TCF12: variants seen among roughly 807,000 people sequenced by gnomAD.
The protein encoded by TCF12 is DNA-binding protein HTF4.
A neutral mutation model predicts 86.0 loss-of-function variants in TCF12; 45 were observed. The ratio of observed to expected loss-of-function variants is 0.52; its 90% confidence interval spans 0.41 to 0.67. TCF12 has a LOEUF of 0.67. TCF12 is among the 30% of genes least tolerant of loss of function. The pLI, the probability that TCF12 is intolerant of heterozygous loss-of-function variation, is 0.00. For missense variants in TCF12, 881 were observed against 859.9 expected (o/e 1.02, Z -0.31); for synonymous variants, 330 against 299.6 (o/e 1.10, Z -1.05).
chr15:57,140,091 A>T (rs2052847466), intron 5 of TCF12, among the ~76,000 whole-genome samples: 1 of 152,190 alleles, frequency 6.6e-6, no homozygotes, highest in Non-Finnish European at 1.5e-5. Flanking sequence ...TCTGAAAGAG[A>T]CATTTGTACA....
intron 3 of TCF12, among the ~76,000 whole-genome samples, chr15:57,010,904 G>A (rs1008884338): frequency 9.2e-5 from 14 of 152,162 alleles, no homozygotes; most frequent in Admixed American, 6.5e-4. Context: ...TTATGTAGTC[G>A]TATTGCTGTG....
chr15:57,147,156 A>G (rs1258278294), intron 5 of TCF12, among the ~76,000 whole-genome samples: 2 of 152,204 alleles, frequency 1.3e-5, no homozygotes, highest in African/African-American at 4.8e-5. Flanking sequence ...ATATAATCCA[A>G]AAAGTTGAGG....
intron 3 of TCF12, among the ~76,000 whole-genome samples, chr15:56,935,443 C>T (rs1033383743): frequency 2.6e-5 from 4 of 151,974 alleles, no homozygotes; most frequent in African/African-American, 9.7e-5. Context: ...GGGAGGGTCT[C>T]ATATGTGCCC....
At chr15:56,949,817 A>G (rs1260063046) in intron 3 of TCF12, among the ~76,000 whole-genome samples, 1 of 152,150 alleles carries the variant, frequency 6.6e-6, no homozygotes, top group Non-Finnish European at 1.5e-5. Flanking sequence ...TTAAAGTGTC[A>G]TGGGGTTATA....
In TCF12 at chr15:57,247,658, C is replaced by T. The variant is rs553332262; in HGVS notation, c.1115-3692C>T. On this transcript the variant is annotated intron_variant, in intron 13 of 20. Transcript: ENST00000333725. ...TTCTTCTGTTTCTTCTTTAATACCACCAACAAAAATTTTCCTCACTGTTAG... is the reference window on the plus strand; with the variant it reads ...TTCTTCTGTTTCTTCTTTAATACCATCAACAAAAATTTTCCTCACTGTTAG... The T allele has an allele frequency of 3.5e-5, 27 of 769,604 alleles. No individual in the cohort carries two copies. In the African/African-American group the frequency reaches 4.3e-4, roughly 12 times the overall value. The allele number at this position is 769,604 out of a possible 1,614,324, so 47.7% of individuals were successfully genotyped here.
At chr15:57,106,001 A>G (rs1232743118) in intron 5 of TCF12, among the ~76,000 whole-genome samples, 1 of 152,268 alleles carries the variant, frequency 6.6e-6, no homozygotes, top group Non-Finnish European at 1.5e-5. Flanking sequence ...CAAAGCAGCC[A>G]GAAATTAGAG....
chr15:57,017,294 A>G (rs2065207782), intron 3 of TCF12, among the ~76,000 whole-genome samples: 1 of 152,238 alleles, frequency 6.6e-6, no homozygotes, highest in South Asian at 2.1e-4. Context: ...TAGCAATGCC[A>G]TTTAAATGTA....
chr15:57,020,141 C>A (rs1225531871), intron 3 of TCF12, among the ~76,000 whole-genome samples: 1 of 152,186 alleles, frequency 6.6e-6, no homozygotes, highest in African/African-American at 2.4e-5. Context: ...GTACATATGA[C>A]AACCTCATGA....
intron 8 of TCF12, among the ~76,000 whole-genome samples, chr15:57,216,748 A>G (rs1262683673): frequency 6.6e-6 from 1 of 152,108 alleles, no homozygotes; most frequent in Admixed American, 6.6e-5. Flanking sequence ...ATTTTATTAT[A>G]CAAGATAATT....
At chr15:57,100,423 C>G (rs996967807) in intron 5 of TCF12, among the ~76,000 whole-genome samples, 1 of 130,848 alleles carries the variant, frequency 7.6e-6, no homozygotes, top group Non-Finnish European at 1.6e-5. Flanking sequence ...TTCACTTCCT[C>G]TTTTTTTTTT....
At position 57,232,860 on chromosome 15, in the gene TCF12, A is replaced by T. The variant is rs1219474318; in HGVS notation, c.970+4A>T. ...AATGGATCAGACAGCATTCTAGGTG[A>T]GCTTTTTGAGTTGGCAAAACTTCCT... On this transcript the variant is annotated splice_donor_region_variant and intron_variant, in intron 11 of 20. Transcript: ENST00000333725. The T allele has an allele frequency of 7.8e-6, 12 of 1,540,944 alleles. No homozygotes were observed. Among genetic ancestry groups the T allele is most frequent in the Non-Finnish European group, 1.0e-5 (12 of 1,144,678 alleles).
At chr15:57,074,340 A>C (rs1160047062) in intron 4 of TCF12, among the ~76,000 whole-genome samples, 1 of 145,290 alleles carries the variant, frequency 6.9e-6, no homozygotes, top group Non-Finnish European at 1.5e-5. Context: ...TCCCATGAGA[A>C]ATTTCATGCC....
intron 20 of TCF12, among the ~76,000 whole-genome samples, chr15:57,285,807 T>TA: frequency 6.6e-6 from 1 of 152,204 alleles, no homozygotes; most frequent in Non-Finnish European, 1.5e-5. Context: ...TGCACACCTG[T>TA]AGTCCCAGCT....
chr15:57,073,732 C>T (rs528036644), intron 4 of TCF12, among the ~76,000 whole-genome samples: 6 of 152,172 alleles, frequency 3.9e-5, no homozygotes, highest in Admixed American at 2.6e-4. Context: ...AGGACAGAGT[C>T]ACTAGAAGTT....
intron 3 of TCF12, among the ~76,000 whole-genome samples, chr15:56,956,932 A>C (rs535051837): frequency 6.6e-6 from 1 of 152,234 alleles, no homozygotes; most frequent in Non-Finnish European, 1.5e-5. Context: ...TCCATTCAAA[A>C]TTCATGTTGA....
rs893373975 is a variant in TCF12 at position 56,977,427 on chromosome 15, G to A, written c.148+56329G>A. Among the ~76,000 whole-genome samples the A allele has an allele frequency of 4.1e-4, 63 of 152,160 alleles. 1 individual carries two copies. The highest frequency in any genetic ancestry group is 4.1e-3 in the Admixed American group (62 of 15,270). On this transcript the variant is annotated intron_variant, in intron 3 of 20. Transcript: ENST00000333725. ...ATGTGCCTGTAATCCCAGCTACTCG[G>A]AAGGCTGAGACAGAGGTTGAGGTCT... is the stretch of plus-strand genomic sequence containing the variant.
intron 3 of TCF12, among the ~76,000 whole-genome samples, chr15:56,925,921 A>T (rs1368322360): frequency 6.6e-6 from 1 of 152,236 alleles, no homozygotes; most frequent in Non-Finnish European, 1.5e-5. Context: ...TGCCATAAGT[A>T]TCTCATTTTT....
rs368694424 is a variant in TCF12 at position 56,935,764 on chromosome 15, A to G, written c.148+14666A>G. Among the ~76,000 whole-genome samples the G allele has an allele frequency of 1.5e-4, 23 of 152,288 alleles. No individual in the cohort carries two copies. The East Asian group carries it at 1.9e-3, about 13-fold the overall frequency. ...TCCTGAGTTAACTTCTCTTAGGACA[A>G]TAGTCTCCAGTTCCATCCAGGTTGC... On this transcript the variant is annotated intron_variant, in intron 3 of 20. Coordinates refer to ENST00000333725, the MANE Select transcript of TCF12 (RefSeq NM_207037.2).
Position 57,287,928 on chromosome 15 carries a change from C to G in TCF12, c.*1783C>G, listed in dbSNP as rs2152168814. On this transcript the variant is annotated 3_prime_UTR_variant, in exon 21 of 21. Transcript: ENST00000333725. ...TTATGATGTGTGAGTGAACATATGC[C>G]ACTGCCTGGCCTTTTTTTCTTCAGA... 1 of 152,708 alleles carries G rather than the reference C, an allele frequency of 6.5e-6. No homozygotes were observed. Among genetic ancestry groups the G allele is most frequent in the African/African-American group, 2.4e-5 (1 of 41,572 alleles). The allele number at this position is 152,708 out of a possible 1,614,324, so 9.5% of individuals were successfully genotyped here.
Sources: allele counts gnomAD v4.1 joint callset (sites outside exome capture counted in the v4.1 genomes callset), GRCh38; gene constraint gnomAD v4.1.1; transcripts MANE v1.5; gene names NCBI Gene and HGNC (gene_info 2026-07-23, HGNC 2026-07-21).